Variants in TRIM11 observed in about 807,000 individuals in gnomAD.
TRIM11 encodes E3 ubiquitin-protein ligase TRIM11.
In TRIM11, 15 loss-of-function variants were observed where a neutral mutation model predicts 33.4. The ratio of observed to expected loss-of-function variants is 0.45; its 90% confidence interval spans 0.30 to 0.69. The LOEUF (loss-of-function observed/expected upper bound fraction) is 0.69, where lower values mean the gene tolerates loss of function less well. Ranked by LOEUF, TRIM11 falls within the 30% of genes least tolerant of loss-of-function variation. The probability of loss-of-function intolerance (pLI) is 0.08; values close to 1 mark genes in which losing one functional copy is unlikely to be tolerated. For missense variants in TRIM11, 499 were observed against 667.6 expected, an observed-to-expected ratio of 0.75 and a Z score of 2.78; for synonymous variants, 281 against 302.6, an observed-to-expected ratio of 0.93 and a Z score of 0.74.
chr1:228,395,267 C>T lies in TRIM11; in HGVS notation c.860-15G>A, dbSNP rs1331326765. ...GGTCACGTCCCCTGCAGAGAGAGGC[C>T]CAAGGTCACCCAGGCACAGCCACAG... On this transcript the variant is annotated splice_polypyrimidine_tract_variant and intron_variant, in intron 5 of 5. Coordinates refer to ENST00000284551, the MANE Select transcript of TRIM11 (RefSeq NM_145214.3). The surrounding 1 kb of genome is among the most constrained non-coding windows in gnomAD (Gnocchi z 4.8). The T allele has an allele frequency of 4.9e-6, 7 of 1,434,438 alleles. No individual in the cohort carries two copies. The African/African-American group carries it at 7.1e-5, about 15-fold the overall frequency. 88.9% of individuals were successfully genotyped at this position (1,434,438 alleles called of 1,614,324 possible).
At position 228,395,116 on chromosome 1, in the gene TRIM11, C is replaced by G; in HGVS notation, c.996G>C (p.Leu332=). ...PERFDPGPCV[L]GQERFTSGRH... is the part of the protein sequence containing the mutation. ...GGCCTGAGGTGAAGCGCTCCTGGCC[C>G]AGCACGCAGGGGCCGGGGTCAAAGC... Residue 332 remains leucine, a synonymous_variant, in exon 6 of 6, where the codon CTG becomes CTC. Coordinates refer to ENST00000284551, the MANE Select transcript of TRIM11 (RefSeq NM_145214.3). The surrounding 1 kb of genome is among the most constrained non-coding windows in gnomAD (Gnocchi z 4.8). The G allele has an allele frequency of 6.3e-7, 1 of 1,590,500 alleles. No homozygotes were observed. The highest frequency in any genetic ancestry group is 8.5e-7 in the Non-Finnish European group (1 of 1,170,028).
rs150793871 is a variant in TRIM11, at chr1:228,394,730, G to A, written c.1382C>T (p.Ser461Phe). The A allele has an allele frequency of 3.9e-4, 633 of 1,609,050 alleles. 3 individuals are homozygous for A. The African/African-American group carries it at 7.7e-3, about 20-fold the overall frequency. The change falls in exon 6 of 6, where the codon TCC becomes TTC. Residue 461 changes from serine (S) to phenylalanine (F), a missense_variant. Physicochemically the swap from Ser to Phe is radical, Grantham distance 155. Coordinates refer to ENST00000284551, the MANE Select transcript of TRIM11 (RefSeq NM_145214.3). The surrounding 1 kb of genome is among the most constrained non-coding windows in gnomAD (Gnocchi z 6.2). ...PMTICRPKGGSGDTLAPQ is the reference protein window; with the variant it reads ...PMTICRPKGGFGDTLAPQ ...TCACTGGGGAGCCAGGGTGTCCCCG[G>A]ACCCACCTTTCGGCCGGCAGATAGT...
At chr1:228,398,559 C>G (rs931300643) in intron 3 of TRIM11, among the ~76,000 whole-genome samples, 2 of 152,174 alleles carry the variant, frequency 1.3e-5, no homozygotes, top group African/African-American at 4.8e-5. Context: ...ATCGAGGCTG[C>G]AGTCATAATC....
chr1:228,395,162 G>A lies in TRIM11; in HGVS notation c.950C>T (p.Ala317Val), dbSNP rs1029672074. 2.0e-6 allele frequency: 3 copies of A among 1,509,574 alleles called. No individual in the cohort carries two copies. In the African/African-American group the frequency reaches 4.2e-5, roughly 21 times the overall value. The allele number at this position is 1,509,574 out of a possible 1,614,324, so 93.5% of individuals were successfully genotyped here. Residue 317 changes from alanine (A) to valine (V), a missense_variant, in exon 6 of 6, where the codon GCC becomes GTC. By Grantham distance (64) the Ala-to-Val change is moderately conservative (BLOSUM62 0). Transcript: ENST00000284551. This position sits in a 1 kb window ranked among gnomAD's most constrained non-coding sequence, Gnocchi z 4.8. ...AAAGCGCTCTGGGCTGTCCGGCAGG[G>A]CCTGCCGTAGGTCCCCCCGCTGCAC... ...RSVQRGDLRQ[A>V]LPDSPERFDP...
rs1418209490 is a variant in TRIM11, at chr1:228,401,422, C to T, written c.505-228G>A. On this transcript the variant is annotated intron_variant, in intron 2 of 5. Transcript: ENST00000284551. This position sits in a 1 kb window ranked among gnomAD's most constrained non-coding sequence, Gnocchi z 6.1. ...GGCACCTCCCAAACCCCAAATCCAC[C>T]ACTCAGGGAGAGCCAAATCCCATTC... Among the ~76,000 whole-genome samples the T allele has an allele frequency of 1.3e-5, 2 of 152,260 alleles. No homozygotes were observed. The highest frequency in any genetic ancestry group is 2.9e-5 in the Non-Finnish European group (2 of 68,000).
chr1:228,406,599 GGGC>G lies in TRIM11; in HGVS notation c.-41_-39del. 2.1e-6 allele frequency: 3 copies of G among 1,398,010 alleles called. No individual in the cohort carries two copies. Among genetic ancestry groups the G allele is most frequent in the Non-Finnish European group, 1.9e-6 (2 of 1,076,976 alleles). 86.6% of individuals were successfully genotyped at this position (1,398,010 alleles called of 1,614,324 possible). A position where few individuals can be genotyped will look rare whatever the true frequency, so the allele number is the denominator to read the frequency against. On this transcript the variant is annotated 5_prime_UTR_variant, in exon 1 of 6. Coordinates refer to ENST00000284551, the MANE Select transcript of TRIM11 (RefSeq NM_145214.3). This position sits in a 1 kb window ranked among gnomAD's most constrained non-coding sequence, Gnocchi z 8.2. ...GGGGAGGAAGGCGGTACTGTCCGCGGGGCGGCGGCGGGCGGCCTCGGCAGCTCG... is the reference window on the plus strand; with the variant it reads ...GGGGAGGAAGGCGGTACTGTCCGCGGGGCGGCGGGCGGCCTCGGCAGCTCG...
In TRIM11 at chr1:228,400,862, C is replaced by A; in HGVS notation, c.735+102G>T. On this transcript the variant is annotated intron_variant, in intron 3 of 5. Transcript: ENST00000284551. This position sits in a 1 kb window ranked among gnomAD's most constrained non-coding sequence, Gnocchi z 4.5. ...CATGCCATTCACCTCTCAGCCCAGA[C>A]AACCTCTCTGCCCCTGCTTCTTGCA... 1.4e-6 allele frequency: 2 copies of A among 1,427,410 alleles called. No individual in the cohort carries two copies. The highest frequency in any genetic ancestry group is 1.8e-6 in the Non-Finnish European group (2 of 1,094,278). 88.4% of individuals were successfully genotyped at this position (1,427,410 alleles called of 1,614,324 possible).
In TRIM11 at chr1:228,402,091, G is replaced by C. The variant is rs375855896; in HGVS notation, c.479C>G (p.Ala160Gly). 3.7e-6 allele frequency: 6 copies of C among 1,613,026 alleles called. No individual in the cohort carries two copies. The highest frequency in any genetic ancestry group is 2.5e-6 in the Non-Finnish European group (3 of 1,179,496). Residue 160 changes from alanine (A) to glycine (G), a missense_variant, in exon 2 of 6, where the codon GCG (alanine) becomes GGG (glycine). By Grantham distance (60) the Ala-to-Gly change is moderately conservative (BLOSUM62 0). Transcript: ENST00000284551. ...CTGCCACAAGACGCAGGTCTCATCC[G>C]CCTGGGCTTGGAACAGCAACGCATC... ...MQDALLFQAQADETCVLWQKM... is the reference protein window; with the variant it reads ...MQDALLFQAQGDETCVLWQKM...
chr1:228,399,501 A>G (rs2149092100), intron 3 of TRIM11, among the ~76,000 whole-genome samples: 1 of 137,952 alleles, frequency 7.2e-6, no homozygotes, highest in South Asian at 2.2e-4. Context: ...CCCAAATTGC[A>G]TCTTCACACA....
Position 228,406,124 on chromosome 1 carries a change from C to T in TRIM11, c.408+30G>A. 1.5e-6 allele frequency: 2 copies of T among 1,353,870 alleles called. No individual in the cohort carries two copies. Among genetic ancestry groups the T allele is most frequent in the Non-Finnish European group, 1.9e-6 (2 of 1,059,438 alleles). The allele number at this position is 1,353,870 out of a possible 1,614,324, so 83.9% of individuals were successfully genotyped here. On this transcript the variant is annotated intron_variant, in intron 1 of 5. Coordinates refer to ENST00000284551, the MANE Select transcript of TRIM11 (RefSeq NM_145214.3). The surrounding 1 kb of genome is among the most constrained non-coding windows in gnomAD (Gnocchi z 8.2). The stretch of plus-strand genomic sequence containing the variant: ...CTCCCCAGTCCCCGGCTCCCCGACG[C>T]CCCTGCACGCCACCCCCGCCCAGGA...
intron 3 of TRIM11, among the ~76,000 whole-genome samples, chr1:228,398,262 T>C (rs2075003519): frequency 6.6e-6 from 1 of 152,134 alleles, no homozygotes; most frequent in East Asian, 1.9e-4. Flanking sequence ...TTTCCCTACA[T>C]GTAGGAGAAA....
At chr1:228,398,149 C>A (rs2075002402) in intron 3 of TRIM11, among the ~76,000 whole-genome samples, 1 of 152,226 alleles carries the variant, frequency 6.6e-6, no homozygotes, top group South Asian at 2.1e-4. Context: ...ATTTAACCCA[C>A]ACTGTCAAAT....
At position 228,401,151 on chromosome 1, in the gene TRIM11, T is replaced by C. The variant is rs778257684; in HGVS notation, c.548A>G (p.Glu183Gly). 6.2e-7 allele frequency: 1 copy of C among 1,613,584 alleles called. No homozygotes were observed. Among genetic ancestry groups the C allele is most frequent in the South Asian group, 1.1e-5 (1 of 91,080 alleles). The change falls in exon 3 of 6, where the codon GAG becomes GGG. Residue 183 changes from glutamate (E) to glycine (G), a missense_variant. By Grantham distance (98) the Glu-to-Gly change is moderately conservative (BLOSUM62 -2). Transcript: ENST00000284551. The surrounding 1 kb of genome is among the most constrained non-coding windows in gnomAD (Gnocchi z 6.1). ...SQRQNVLGEF[E>G]RLRRLLAEEE... ...CTCTGCCAGCAAACGGCGAAGACGC[T>C]CGAACTCACCCAGCACGTTCTGCCG...
rs141725239 is a variant in TRIM11 at position 228,400,823 on chromosome 1, C to A, written c.735+141G>T. ...GACTCAGCATTTCACAGGCAACAGC[C>A]AGGCACATCCAGCCATGCCATTCAC... On this transcript the variant is annotated intron_variant, in intron 3 of 5. Coordinates refer to ENST00000284551, the MANE Select transcript of TRIM11 (RefSeq NM_145214.3). The surrounding 1 kb of genome is among the most constrained non-coding windows in gnomAD (Gnocchi z 4.5). 1,640 of 1,400,438 alleles carry A rather than the reference C, an allele frequency of 1.2e-3. 30 individuals are homozygous for A. The highest frequency in any genetic ancestry group is 6.4e-4 in the South Asian group (42 of 65,190). The allele number at this position is 1,400,438 out of a possible 1,614,324, so 86.8% of individuals were successfully genotyped here. A position where few individuals can be genotyped will look rare whatever the true frequency, so the allele number is the denominator to read the frequency against.
chr1:228,399,515 C>T (rs1400186588), intron 3 of TRIM11, among the ~76,000 whole-genome samples: 2 of 135,898 alleles, frequency 1.5e-5, no homozygotes, highest in African/African-American at 5.4e-5. Context: ...TCACACAAAC[C>T]CTGTGGGTCC....
Position 228,406,693 on chromosome 1 carries a change from C to G in TRIM11, c.-132G>C. 1.1e-6 allele frequency: 1 copy of G among 871,712 alleles called. No individual in the cohort carries two copies. Among genetic ancestry groups the G allele is most frequent in the Non-Finnish European group, 1.5e-6 (1 of 651,998 alleles). 54.0% of individuals were successfully genotyped at this position (871,712 alleles called of 1,614,324 possible). A position where few individuals can be genotyped will look rare whatever the true frequency, so the allele number is the denominator to read the frequency against. ...GCACTCCGGGGCGCGAGGCTCGGGA[C>G]TCCCGGGTGCTCGGGCTCCGGGGCG... On this transcript the variant is annotated 5_prime_UTR_variant, in exon 1 of 6. Coordinates refer to ENST00000284551, the MANE Select transcript of TRIM11 (RefSeq NM_145214.3). The surrounding 1 kb of genome is among the most constrained non-coding windows in gnomAD (Gnocchi z 8.2).
At position 228,402,206 on chromosome 1, in the gene TRIM11, C is replaced by T. The variant is rs553384465; in HGVS notation, c.409-45G>A. ...GGACCATGAGACATGAGTCCTGTCA[C>T]AGAAGCCTGCCCTTTTGCACCTGAC... On this transcript the variant is annotated intron_variant, in intron 1 of 5. Transcript: ENST00000284551. The T allele has an allele frequency of 1.5e-4, 224 of 1,498,796 alleles. 1 individual carries two copies. The East Asian group carries it at 5.1e-3, about 34-fold the overall frequency. 92.8% of individuals were successfully genotyped at this position (1,498,796 alleles called of 1,614,324 possible). A position where few individuals can be genotyped will look rare whatever the true frequency, so the allele number is the denominator to read the frequency against.
chr1:228,404,826 A>G (rs375186261), intron 1 of TRIM11: 7 of 152,230 alleles, frequency 4.6e-5, no homozygotes, highest in African/African-American at 1.4e-4. Context: ...CTTCTCCACA[A>G]TTCACAAACC....
chr1:228,396,861 A>T, intron 5 of TRIM11, 86 bp downstream of exon 5: 1 of 1,255,750 alleles, frequency 8.0e-7, no homozygotes, highest in Non-Finnish European at 1.2e-6. Flanking sequence ...TGGCAGTGGC[A>T]GGGCACAGAA....
Sources: gnomAD v4.1 joint callset for allele counts (sites outside exome capture counted in the v4.1 genomes callset) on GRCh38, gnomAD v4.1.1 for gene constraint, Gnocchi (gnomAD v3.1) non-coding constraint, MANE v1.5 for transcripts, NCBI Gene and HGNC (gene_info 2026-07-23, HGNC 2026-07-21) for gene names.